The following LRRC4C variants were observed in gnomAD, a reference collection of about 807,000 sequenced individuals.
LRRC4C encodes leucine rich repeat containing 4C.
In LRRC4C, 5 loss-of-function variants were observed where a neutral mutation model predicts 33.6. That is an observed-to-expected ratio of 0.15 (90% CI 0.08 to 0.31). The LOEUF is 0.31. LRRC4C is among the 10% of genes least tolerant of loss of function. The probability of loss-of-function intolerance (pLI) is 1.00; values close to 1 mark genes in which losing one functional copy is unlikely to be tolerated. For missense variants in LRRC4C, 560 were observed against 796.7 expected (o/e 0.70, Z 3.58); for synonymous variants, 329 against 302.0 (o/e 1.09, Z -0.93).
rs1555008817 is a variant in LRRC4C at position 40,936,065 on chromosome 11, T to TATATATATATATAA, written c.-495-2343_-495-2342insTTATATATATATAT. Among the ~76,000 whole-genome samples the TATATATATATATAA allele has an allele frequency of 6.5e-4, 49 of 75,820 alleles. 8 individuals are homozygous for TATATATATATATAA. Among genetic ancestry groups the TATATATATATATAA allele is most frequent in the South Asian group, 1.7e-3 (4 of 2,316 alleles). 49.7% of individuals were successfully genotyped at this position (75,820 alleles called of 152,430 possible). A position where few individuals can be genotyped will look rare whatever the true frequency, so the allele number is the denominator to read the frequency against. On this transcript the variant is annotated intron_variant, in intron 1 of 6. Coordinates refer to ENST00000528697, the MANE Select transcript of LRRC4C (RefSeq NM_001258419.2). ...ATATATATATATATATATATATATA[T>TATATATATATATAA]AACATAGTTTGAACCTTAACTCTGT...
intron 3 of LRRC4C, among the ~76,000 whole-genome samples, chr11:40,334,619 G>C (rs1469557181): frequency 6.6e-6 from 1 of 152,084 alleles, no homozygotes; most frequent in East Asian, 1.9e-4. Flanking sequence ...TACTTCTGTA[G>C]AGTACTGAAG....
At chr11:40,303,805 G>C (rs1565252488) in intron 4 of LRRC4C, among the ~76,000 whole-genome samples, 1 of 152,166 alleles carries the variant, frequency 6.6e-6, no homozygotes, top group Non-Finnish European at 1.5e-5. Context: ...TATAGCCTTT[G>C]AGAGACCTTT....
intron 3 of LRRC4C, among the ~76,000 whole-genome samples, chr11:40,409,966 A>T (rs1467197586): frequency 6.6e-6 from 1 of 152,106 alleles, no homozygotes; most frequent in East Asian, 1.9e-4. Context: ...AAATATCTAC[A>T]ATTTTATTAG....
Position 40,330,444 on chromosome 11 carries a change from A to G in LRRC4C, c.-269-10723T>C, listed in dbSNP as rs117982362. ...GTAATTAGCATATCTACAACCTTGA[A>G]CACTGATTATTTCTTTATGTTGGGA... On this transcript the variant is annotated intron_variant, in intron 3 of 6. Transcript: ENST00000528697. 4.3e-4 allele frequency among the ~76,000 whole-genome samples: 65 copies of G among 152,312 alleles called. No homozygotes were observed. The East Asian group carries it at 0.011, about 25-fold the overall frequency.
chr11:40,622,709 T>C (rs558758362), intron 3 of LRRC4C, among the ~76,000 whole-genome samples: 2 of 152,010 alleles, frequency 1.3e-5, no homozygotes, highest in South Asian at 4.1e-4. Context: ...GAAAAGAGCA[T>C]GGAGTTTGAG....
intron 4 of LRRC4C, among the ~76,000 whole-genome samples, chr11:40,273,682 T>TAAATGGAGA (rs1283242291): frequency 2.6e-5 from 4 of 152,082 alleles, no homozygotes; most frequent in Non-Finnish European, 5.9e-5. Context: ...AATCTTTACA[T>TAAATGGAGA]AAATGGAGAA....
At position 41,053,984 on chromosome 11, in the gene LRRC4C, C is replaced by T. The variant is rs187270634; in HGVS notation, c.-495-120261G>A. Among the ~76,000 whole-genome samples the T allele has an allele frequency of 2.1e-3, 316 of 152,152 alleles. 1 individual carries two copies. The highest frequency in any genetic ancestry group is 7.2e-3 in the African/African-American group (297 of 41,504). On this transcript the variant is annotated intron_variant, in intron 1 of 6. Transcript: ENST00000528697. ...CTTAATTGTCATGTTAAGTCATTTGCATTGTTCATTGAGTCATAGGTTAGC... is the reference window on the plus strand; with the variant it reads ...CTTAATTGTCATGTTAAGTCATTTGTATTGTTCATTGAGTCATAGGTTAGC...
intron 1 of LRRC4C, among the ~76,000 whole-genome samples, chr11:41,443,010 G>C (rs1532905): frequency 0.6 from 90,615 of 150,924 alleles, 27,546 homozygotes; most frequent in Middle Eastern, 0.67. Context: ...TGAAATGGTA[G>C]AGCTTATACT....
chr11:41,202,096 T>G (rs562000698), intron 1 of LRRC4C, among the ~76,000 whole-genome samples: 1 of 152,316 alleles, frequency 6.6e-6, no homozygotes, highest in African/African-American at 2.4e-5. Context: ...GATGTCCTCT[T>G]TGGAACACCG....
intron 3 of LRRC4C, among the ~76,000 whole-genome samples, chr11:40,640,271 T>A (rs1942028887): frequency 1.3e-5 from 2 of 152,214 alleles, no homozygotes; most frequent in South Asian, 4.1e-4. Flanking sequence ...GTTAAGATAT[T>A]TCTCATGGGC....
intron 3 of LRRC4C, among the ~76,000 whole-genome samples, chr11:40,469,467 C>T (rs2138271695): frequency 6.6e-6 from 1 of 152,282 alleles, no homozygotes; most frequent in East Asian, 1.9e-4. Flanking sequence ...TTTGAGCAGA[C>T]ACCAAGCTAG....
chr11:40,929,032 G>T (rs187787596), intron 2 of LRRC4C, among the ~76,000 whole-genome samples: 5 of 152,230 alleles, frequency 3.3e-5, no homozygotes, highest in African/African-American at 9.6e-5. Flanking sequence ...ATATTAAAAA[G>T]TGTTCAGAGA....
At chr11:41,000,922 A>G (rs920869799) in intron 1 of LRRC4C, among the ~76,000 whole-genome samples, 58 of 152,190 alleles carry the variant, frequency 3.8e-4, no homozygotes, top group African/African-American at 1.4e-3. Context: ...TTGGAGAAAT[A>G]GGGAAAATTA....
chr11:40,830,815 T>C (rs772093261), intron 2 of LRRC4C, among the ~76,000 whole-genome samples: 1 of 152,048 alleles, frequency 6.6e-6, no homozygotes, highest in Non-Finnish European at 1.5e-5. Flanking sequence ...ATAAAAAGAA[T>C]TGTTTCTTTC....
chr11:40,687,177 C>A (rs1176120645), intron 2 of LRRC4C, among the ~76,000 whole-genome samples: 1 of 152,002 alleles, frequency 6.6e-6, no homozygotes, highest in Non-Finnish European at 1.5e-5. Context: ...AACCTGTAGG[C>A]TAGATAATTT....
intron 2 of LRRC4C, among the ~76,000 whole-genome samples, chr11:40,807,391 GAAAC>G (rs968540793): frequency 6.6e-6 from 1 of 152,114 alleles, no homozygotes; most frequent in Non-Finnish European, 1.5e-5. Context: ...AAGACAGAGG[GAAAC>G]AAACAAACCG....
chr11:41,252,039 T>C (rs1948655249), intron 1 of LRRC4C, among the ~76,000 whole-genome samples: 1 of 151,984 alleles, frequency 6.6e-6, no homozygotes, highest in Non-Finnish European at 1.5e-5. Flanking sequence ...TATAAAGAAA[T>C]AAAAAATATC....
In LRRC4C at chr11:40,214,895, A is replaced by G. The variant is rs113876534; in HGVS notation, c.-96+26624T>C. Reference sequence around the variant, plus strand: ...TGTGTCCAAAAATGTCTGAAAAATAATTGGAGGAATCATTAAAGAGCTAGT... The same window carrying G: ...TGTGTCCAAAAATGTCTGAAAAATAGTTGGAGGAATCATTAAAGAGCTAGT... On this transcript the variant is annotated intron_variant, in intron 5 of 6. Transcript: ENST00000528697. Among the ~76,000 whole-genome samples the G allele has an allele frequency of 4.6e-5, 7 of 152,282 alleles. 2 individuals carry two copies. Among genetic ancestry groups the G allele is most frequent in the African/African-American group, 1.7e-4 (7 of 41,564 alleles).
intron 2 of LRRC4C, among the ~76,000 whole-genome samples, chr11:40,878,581 C>T (rs1198371976): frequency 6.6e-5 from 10 of 152,112 alleles, no homozygotes. Context: ...GTAATGTGAG[C>T]AATGGGGAGT....
Sources: allele counts gnomAD v4.1 joint callset (sites outside exome capture counted in the v4.1 genomes callset), GRCh38; gene constraint gnomAD v4.1.1; transcripts MANE v1.5; gene names NCBI Gene and HGNC (gene_info 2026-07-23, HGNC 2026-07-21).